GCNT2: variants seen among roughly 807,000 people sequenced by gnomAD.
The protein encoded by GCNT2 is N-acetyllactosaminide beta-1,6-N-acetylglucosaminyl-transferase.
A neutral mutation model predicts 34.2 loss-of-function variants in GCNT2; 34 were observed. The ratio of observed to expected loss-of-function variants is 1.00; its 90% CI spans 0.76 to 1.32. GCNT2 has a LOEUF of 1.32. Among genes scored for constraint, GCNT2 ranks in the 40% most tolerant of loss-of-function variants. GCNT2 has a pLI of 0.00. For synonymous variants in GCNT2, 212 were observed against 188.0 expected, an observed-to-expected ratio of 1.13 and a Z score of -1.04; for missense variants, 584 against 489.4, an observed-to-expected ratio of 1.19 and a Z score of -1.82.
intron 3 of GCNT2, among the ~76,000 whole-genome samples, chr6:10,553,483 C>T (rs1363011614): frequency 5.3e-5 from 8 of 152,216 alleles, no homozygotes; most frequent in Non-Finnish European, 1.2e-4. Context: ...GCAATCTTTT[C>T]CCCCTTTGAT....
chr6:10,609,805 A>T (rs1765474075), intron 3 of GCNT2, among the ~76,000 whole-genome samples: 1 of 152,222 alleles, frequency 6.6e-6, no homozygotes, highest in South Asian at 2.1e-4. Flanking sequence ...GAAATGTAAA[A>T]TGAGAAATGA....
At chr6:10,617,136 C>A (rs540196364) in intron 3 of GCNT2, among the ~76,000 whole-genome samples, 1 of 152,174 alleles carries the variant, frequency 6.6e-6, no homozygotes, top group African/African-American at 2.4e-5. Flanking sequence ...AGGCTCTGGC[C>A]GCGCAGGAGC....
At chr6:10,553,961 GA>G (rs1762586965) in intron 3 of GCNT2, among the ~76,000 whole-genome samples, 1 of 152,224 alleles carries the variant, frequency 6.6e-6, no homozygotes, top group South Asian at 2.1e-4. Flanking sequence ...GGAATATGGA[GA>G]AAGCCTCTAA....
intron 3 of GCNT2, among the ~76,000 whole-genome samples, chr6:10,533,199 G>A (rs750868596): frequency 2.6e-5 from 4 of 151,938 alleles, no homozygotes; most frequent in African/African-American, 4.8e-5. Flanking sequence ...CCAGCTACTC[G>A]GGAGGCTGAA....
intron 3 of GCNT2, among the ~76,000 whole-genome samples, chr6:10,604,912 G>A (rs1765244867): frequency 6.6e-6 from 1 of 151,342 alleles, no homozygotes; most frequent in South Asian, 2.1e-4. Context: ...TAAAAAAGAT[G>A]TTCAATAAAA....
rs552993271 is a variant in GCNT2 at position 10,582,284 on chromosome 6, A to AT, written c.926-39066dup. ...TACTATATATTAAATATATAAATAT[A>AT]TATAATATTACTATATATTTAATAT... On this transcript the variant is annotated intron_variant, in intron 3 of 4. Coordinates refer to ENST00000495262, the MANE Select transcript of GCNT2 (RefSeq NM_145649.5). 2.0e-3 allele frequency among the ~76,000 whole-genome samples: 231 copies of AT among 115,016 alleles called. 1 individual carries two copies. Among genetic ancestry groups the AT allele is most frequent in the African/African-American group, 2.9e-3 (83 of 28,274 alleles). The allele number at this position is 115,016 out of a possible 152,430, so 75.5% of individuals were successfully genotyped here. A position where few individuals can be genotyped will look rare whatever the true frequency, so the allele number is the denominator to read the frequency against.
intron 3 of GCNT2, among the ~76,000 whole-genome samples, chr6:10,550,831 A>C (rs1762448592): frequency 1.3e-5 from 2 of 152,202 alleles, no homozygotes; most frequent in Non-Finnish European, 2.9e-5. Context: ...CTCTTAGGGC[A>C]GGGGCCCTGT....
intron 1 of GCNT2, among the ~76,000 whole-genome samples, chr6:10,523,539 CTCT>C (rs750378607): frequency 5.9e-5 from 9 of 152,070 alleles, no homozygotes; most frequent in Non-Finnish European, 1.3e-4. Context: ...CCCTCGTAGC[CTCT>C]TCTTCCCCAC....
At chr6:10,611,363 G>A (rs1273859407) in intron 3 of GCNT2, among the ~76,000 whole-genome samples, 2 of 140,430 alleles carry the variant, frequency 1.4e-5, no homozygotes, top group Admixed American at 7.6e-5. Flanking sequence ...ACGGAGTCTC[G>A]CTCTATTGGC....
At chr6:10,528,274 G>A (rs1363182883) in intron 2 of GCNT2, 2 of 157,234 alleles carry the variant, frequency 1.3e-5, no homozygotes, top group Non-Finnish European at 2.8e-5. Flanking sequence ...AGCATACCCA[G>A]CCAATGGGGA....
At chr6:10,582,025 T>TA in intron 3 of GCNT2, 1 of 191,586 alleles carries the variant, frequency 5.2e-6, no homozygotes, top group Non-Finnish European at 9.2e-6. Context: ...TATGTATATA[T>TA]CATATGTATT....
intron 3 of GCNT2, among the ~76,000 whole-genome samples, chr6:10,569,273 A>ACC (rs34434391): frequency 7.2e-5 from 10 of 139,610 alleles, no homozygotes; most frequent in African/African-American, 2.2e-4. Flanking sequence ...ACACACACAC[A>ACC]CCCCCTAGGT....
In GCNT2 at chr6:10,605,353, C is replaced by T. The variant is rs535228173; in HGVS notation, c.926-15998C>T. ...ACCTCAGCCTCTCAAGTAGCTGGGA[C>T]GCACAGTACCACGCCTGGCTTTTTT... On this transcript the variant is annotated intron_variant, in intron 3 of 4. Transcript: ENST00000495262. 9.4e-5 allele frequency among the ~76,000 whole-genome samples: 14 copies of T among 148,828 alleles called. 1 individual carries two copies. The highest frequency in any genetic ancestry group is 6.1e-4 in the Admixed American group (9 of 14,680).
intron 3 of GCNT2, chr6:10,585,995 CT>C (rs1163684341): frequency 5.0e-6 from 8 of 1,613,878 alleles, no homozygotes; most frequent in Non-Finnish European, 6.8e-6. Context: ...AAATAATGAA[CT>C]TTTGGAGGTA....
rs116192401 is a variant in GCNT2 at position 10,542,862 on chromosome 6, A to G, written c.925+13026A>G. ...TTTTCATTTCTCCTGGGTAGATACCAAGAGTGAAACTGCTGGTCCCTATGT... is the reference window on the plus strand; with the variant it reads ...TTTTCATTTCTCCTGGGTAGATACCGAGAGTGAAACTGCTGGTCCCTATGT... On this transcript the variant is annotated intron_variant, in intron 3 of 4. Transcript: ENST00000495262. Among the ~76,000 whole-genome samples the G allele has an allele frequency of 7.6e-3, 1,145 of 149,944 alleles. 12 individuals carry two copies. The highest frequency in any genetic ancestry group is 0.027 in the African/African-American group (1,084 of 40,650).
At chr6:10,576,451 G>A (rs581944) in intron 3 of GCNT2, among the ~76,000 whole-genome samples, 4,470 of 152,262 alleles carry the variant, frequency 0.029, 196 homozygotes, top group African/African-American at 0.098. Flanking sequence ...GTTATCTGAG[G>A]AAACAGTTTG....
chr6:10,583,456 C>T (rs1194265969), intron 3 of GCNT2, among the ~76,000 whole-genome samples: 1 of 152,096 alleles, frequency 6.6e-6, no homozygotes, highest in Non-Finnish European at 1.5e-5. Flanking sequence ...CACAGTTGAT[C>T]CTTTAGTTGA....
chr6:10,623,362 G>A (rs1581497559), intron 4 of GCNT2, among the ~76,000 whole-genome samples: 1 of 151,508 alleles, frequency 6.6e-6, no homozygotes, highest in East Asian at 1.9e-4. Flanking sequence ...CACAATCTCG[G>A]CTCACTGGAA....
intron 4 of GCNT2, among the ~76,000 whole-genome samples, chr6:10,621,803 G>A (rs973960258): frequency 6.6e-6 from 1 of 152,076 alleles, no homozygotes; most frequent in Admixed American, 6.5e-5. Flanking sequence ...TCAACATCCT[G>A]GGTTCAGGCC....
Sources: allele counts gnomAD v4.1 joint callset (sites outside exome capture counted in the v4.1 genomes callset), GRCh38; gene constraint gnomAD v4.1.1; transcripts MANE v1.5; gene names NCBI Gene and HGNC (gene_info 2026-07-23, HGNC 2026-07-21).